Variants in ADAMTS7 observed in about 807,000 individuals in gnomAD.
ADAMTS7 encodes the protein A disintegrin and metalloproteinase with thrombospondin motifs 7.
Under a neutral mutation model 172.6 loss-of-function variants are expected in ADAMTS7, and 89 were observed. The observed-to-expected ratio is 0.52, with a 90% confidence interval of 0.43 to 0.61. ADAMTS7 has a LOEUF of 0.61. Among genes scored for constraint, ADAMTS7 ranks in the 20% least tolerant of loss-of-function variants. ADAMTS7 has a pLI of 0.00. For missense variants in ADAMTS7, 1,973 were observed against 2,355.6 expected, an observed-to-expected ratio of 0.84 and a Z score of 3.36; for synonymous variants, 885 against 978.4, an observed-to-expected ratio of 0.90 and a Z score of 1.78.
chr15:78,805,808 C>T (rs1307252091), intron 1 of ADAMTS7, among the ~76,000 whole-genome samples: 1 of 152,074 alleles, frequency 6.6e-6, no homozygotes, highest in African/African-American at 2.4e-5. Context: ...TGGCCAGACG[C>T]AGTGCCTCAC....
In ADAMTS7 at chr15:78,771,785, G is replaced by A. The variant is rs746384227; in HGVS notation, c.2176C>T (p.Arg726Cys). 3 of 1,612,642 alleles carry A rather than the reference G, an allele frequency of 1.9e-6. No homozygotes were observed. Among genetic ancestry groups the A allele is most frequent in the Non-Finnish European group, 2.5e-6 (3 of 1,180,008 alleles). ...GLIPAGAREI[R>C]IQEVAEAANF... ...GCAGCCTCGGCAACCTCTTGGATGC[G>A]GATCTCGCGTGCGCCCGCTGGGATC... Residue 726 changes from arginine to cysteine, a missense_variant, in exon 15 of 24, where the codon CGC becomes TGC. Physicochemically the swap from Arg to Cys is radical, Grantham distance 180. Around this residue, in one of 8 missense-constraint regions of ADAMTS7, gnomAD observed 771 missense variants for 952.6 expected, o/e 0.81. Coordinates refer to ENST00000388820, the MANE Select transcript of ADAMTS7 (RefSeq NM_014272.5). This position sits in a 1 kb window ranked among gnomAD's most constrained non-coding sequence, Gnocchi z 4.9.
At chr15:78,798,139 C>G (rs765215792) in intron 2 of ADAMTS7, 26 bp from the exon 3 acceptor site, 2 of 1,531,098 alleles carry the variant, frequency 1.3e-6, no homozygotes, top group Non-Finnish European at 1.7e-6. Context: ...CAGGGTCACA[C>G]AGGGAGGGCT....
intron 6 of ADAMTS7, 26 bp downstream of exon 6, chr15:78,790,644 C>G (rs1192452802): frequency 6.2e-7 from 1 of 1,611,798 alleles, no homozygotes; most frequent in South Asian, 1.1e-5. Context: ...GAGATGCAGG[C>G]TCCCACCCTC....
chr15:78,762,373 C>G (rs2141467966), intron 23 of ADAMTS7, 30 bp downstream of exon 23: 1 of 1,395,716 alleles, frequency 7.2e-7, no homozygotes, highest in East Asian at 2.8e-5. Flanking sequence ...CACCTCACTT[C>G]AGCAGGGAGC....
rs547690242 is a variant in ADAMTS7, at chr15:78,760,139, G to A, written c.4904-561C>T. 3.0e-3 allele frequency among the ~76,000 whole-genome samples: 456 copies of A among 151,798 alleles called. 4 individuals are homozygous for A. Among genetic ancestry groups the A allele is most frequent in the Middle Eastern group, 0.01 (3 of 292 alleles). On this transcript the variant is annotated intron_variant, in intron 23 of 23. Transcript: ENST00000388820. ...GCCTCCCACTTCTCAGGTGGGCCAC[G>A]AAGCCTAGAGTGAGTGGGCCTTACA...
intron 4 of ADAMTS7, among the ~76,000 whole-genome samples, chr15:78,795,341 G>C (rs1157361899): frequency 6.6e-5 from 10 of 152,258 alleles, no homozygotes; most frequent in African/African-American, 2.4e-4. Flanking sequence ...AGAAGGCTGT[G>C]ACTTTTATTC....
At chr15:78,784,065 C>T (rs1025264066) in intron 8 of ADAMTS7, among the ~76,000 whole-genome samples, 4 of 151,916 alleles carry the variant, frequency 2.6e-5, no homozygotes, top group Admixed American at 6.6e-5. Flanking sequence ...AATCAGATGC[C>T]CCCTAGAAAA....
chr15:78,806,130 A>C (rs1294953997), intron 1 of ADAMTS7, among the ~76,000 whole-genome samples: 736 of 33,262 alleles, frequency 0.022, 1 homozygote, highest in East Asian at 0.041. Context: ...ACACACACAA[A>C]AAAAAAAAAA....
intron 8 of ADAMTS7, among the ~76,000 whole-genome samples, chr15:78,781,112 G>T (rs61226407): frequency 1.3e-5 from 2 of 151,854 alleles, no homozygotes; most frequent in Non-Finnish European, 2.9e-5. Context: ...AAGGGCTTCA[G>T]GACCAGCCAG....
chr15:78,774,833 T>G, intron 11 of ADAMTS7, 40 bp from the exon 12 acceptor site: 2 of 1,548,172 alleles, frequency 1.3e-6, no homozygotes, highest in Non-Finnish European at 1.7e-6. Flanking sequence ...GACGGCCCAG[T>G]GAGTGCTACT....
At chr15:78,769,244 A>G (rs957404146) in intron 16 of ADAMTS7, among the ~76,000 whole-genome samples, 8 of 151,856 alleles carry the variant, frequency 5.3e-5, no homozygotes, top group African/African-American at 1.9e-4. Flanking sequence ...TTGGACACTC[A>G]CTTCCATACT....
intron 1 of ADAMTS7, among the ~76,000 whole-genome samples, chr15:78,807,840 C>T (rs958835379): frequency 6.6e-6 from 1 of 150,970 alleles, no homozygotes; most frequent in African/African-American, 2.4e-5. Flanking sequence ...CAAAACAAAA[C>T]AAAACAAAAA....
chr15:78,775,514 T>G lies in ADAMTS7; in HGVS notation c.1706+674A>C, dbSNP rs1484496774. On this transcript the variant is annotated intron_variant, in intron 11 of 23. Transcript: ENST00000388820. The stretch of plus-strand genomic sequence containing the variant: ...GTAGTGCCTCGGTCTACAGTACCAC[T>G]TGCCTCTGCTTCTCACCAGATCTTC... Among the ~76,000 whole-genome samples, 3 of 151,562 alleles carry G rather than the reference T, an allele frequency of 2.0e-5. No individual in the cohort carries two copies. The East Asian group carries it at 5.9e-4, about 30-fold the overall frequency.
In ADAMTS7 at chr15:78,765,844, G is replaced by T; in HGVS notation, c.4067C>A (p.Pro1356His). ...GCTGAGGGACTCAGGCTGACCCTTG[G>T]GTCCTGGGTTCAGGGCAGGCTCAGG... is the stretch of plus-strand genomic sequence containing the variant. Reference protein sequence around the residue: ...HMPEPALNPGPKGQPESLSPE... With the variant: ...HMPEPALNPGHKGQPESLSPE... Residue 1356 changes from proline (P) to histidine (H), a missense_variant, in exon 19 of 24, where the codon CCC (proline) becomes CAC (histidine). Pro to His is a moderately conservative substitution (Grantham distance 77, BLOSUM62 -2). This residue lies in a region of ADAMTS7 where 771 missense variants were observed against 952.6 expected (regional missense o/e 0.81). Transcript: ENST00000388820. 1 of 1,573,116 alleles carries T rather than the reference G, an allele frequency of 6.4e-7. No homozygotes were observed. The highest frequency in any genetic ancestry group is 1.2e-5 in the South Asian group (1 of 86,092).
intron 16 of ADAMTS7, among the ~76,000 whole-genome samples, chr15:78,768,810 A>G (rs754501680): frequency 3.9e-5 from 6 of 152,152 alleles, no homozygotes; most frequent in Non-Finnish European, 8.8e-5. Context: ...GGACCCAAAG[A>G]GGAGGACCAC....
At chr15:78,807,303 C>G (rs1199816228) in intron 1 of ADAMTS7, among the ~76,000 whole-genome samples, 2 of 152,020 alleles carry the variant, frequency 1.3e-5, no homozygotes, top group Non-Finnish European at 2.9e-5. Context: ...AGAAAAGGCC[C>G]CAAAAGCTTA....
intron 1 of ADAMTS7, 66 bp from the exon 2 acceptor site, chr15:78,800,613 A>G: frequency 6.7e-7 from 1 of 1,483,990 alleles, no homozygotes; most frequent in Non-Finnish European, 9.2e-7. Flanking sequence ...GTGGCCGGGG[A>G]CCAGAAGGGA....
At chr15:78,764,166 T>C in intron 20 of ADAMTS7, 67 bp from the exon 21 acceptor site, 1 of 1,425,464 alleles carries the variant, frequency 7.0e-7, no homozygotes, top group Non-Finnish European at 9.2e-7. Context: ...CCCCGTGAGG[T>C]GTGTGGCGGG....
Position 78,788,304 on chromosome 15 carries a change from G to C in ADAMTS7, c.1249C>G (p.Pro417Ala). 2 of 1,613,770 alleles carry C rather than the reference G, an allele frequency of 1.2e-6. No individual in the cohort carries two copies. Among genetic ancestry groups the C allele is most frequent in the Non-Finnish European group, 1.7e-6 (2 of 1,180,016 alleles). The part of the protein sequence containing the change: ...PVGKRPFIMS[P>A]QLLYDAAPLT... ...GGAGCGGCGTCGTACAGGAGCTGTG[G>C]AGACATGATGAAAGGTCGTTTCCCA... is the stretch of plus-strand genomic sequence containing the variant. Residue 417 changes from proline to alanine, a missense_variant, in exon 8 of 24, where the codon CCA becomes GCA. Pro to Ala is a conservative substitution (Grantham distance 27, BLOSUM62 -1). Transcript: ENST00000388820.
Sources: gnomAD v4.1 joint callset for allele counts (sites outside exome capture counted in the v4.1 genomes callset) on GRCh38, gnomAD v4.1.1 for gene constraint, gnomAD v4.1.1 regional missense constraint, Gnocchi (gnomAD v3.1) non-coding constraint, MANE v1.5 for transcripts, NCBI Gene and HGNC (gene_info 2026-07-23, HGNC 2026-07-21) for gene names.